SORCS2: variants seen among roughly 807,000 people sequenced by gnomAD.
The protein encoded by SORCS2 is sortilin related VPS10 domain containing receptor 2.
SORCS2 carries 100 observed loss-of-function variants against 141.6 expected under a neutral mutation model. The observed-to-expected ratio is 0.71, with a 90% CI of 0.60 to 0.83. The LOEUF is 0.83. Among genes scored for constraint, SORCS2 ranks in the 40% least tolerant of loss-of-function variants. The probability of loss-of-function intolerance (pLI) is 0.00; values close to 1 mark genes in which losing one functional copy is unlikely to be tolerated. For missense variants in SORCS2, 1,646 were observed against 1,560.2 expected (o/e 1.05, Z -0.93); for synonymous variants, 789 against 676.9 (o/e 1.17, Z -2.57).
intron 2 of SORCS2, among the ~76,000 whole-genome samples, chr4:7,490,262 C>T (rs1276448482): frequency 1.3e-5 from 2 of 152,186 alleles, no homozygotes; most frequent in Non-Finnish European, 2.9e-5. Context: ...GACCATCTCC[C>T]TTCTGACTCG....
intron 3 of SORCS2, among the ~76,000 whole-genome samples, chr4:7,611,758 T>G (rs915269686): frequency 6.6e-6 from 1 of 152,264 alleles, no homozygotes; most frequent in Non-Finnish European, 1.5e-5. Context: ...GGAATTCAGT[T>G]TCAGTGCCCG....
chr4:7,321,049 T>A (rs796666813), intron 1 of SORCS2, among the ~76,000 whole-genome samples: 6 of 152,232 alleles, frequency 3.9e-5, no homozygotes, highest in African/African-American at 1.4e-4. Context: ...ACCTGAGCAG[T>A]GGACATTGTA....
chr4:7,528,466 C>T (rs922127963), intron 2 of SORCS2, among the ~76,000 whole-genome samples: 10 of 151,978 alleles, frequency 6.6e-5, no homozygotes, highest in Admixed American at 5.9e-4. Flanking sequence ...TGCTCTGTCA[C>T]CTAGGCTGTA....
At chr4:7,400,649 G>A (rs1455525543) in intron 2 of SORCS2, among the ~76,000 whole-genome samples, 1 of 152,208 alleles carries the variant, frequency 6.6e-6, no homozygotes, top group Non-Finnish European at 1.5e-5. Flanking sequence ...ATGGATGAAT[G>A]GACAGATGGA....
Position 7,558,729 on chromosome 4 carries a change from A to G in SORCS2, c.648+27100A>G, listed in dbSNP as rs184412295. Among the ~76,000 whole-genome samples, 12 of 152,300 alleles carry G rather than the reference A, an allele frequency of 7.9e-5. No homozygotes were observed. The East Asian group carries it at 2.1e-3, about 27-fold the overall frequency. On this transcript the variant is annotated intron_variant, in intron 3 of 26. Coordinates refer to ENST00000507866, the MANE Select transcript of SORCS2 (RefSeq NM_020777.3). ...TGCAAGTTCACCTGGTGCCTACCCCAGGGGGCTTTTGGTCTGGCCCAGGAG... is the reference window on the plus strand; with the variant it reads ...TGCAAGTTCACCTGGTGCCTACCCCGGGGGGCTTTTGGTCTGGCCCAGGAG...
intron 1 of SORCS2, among the ~76,000 whole-genome samples, chr4:7,320,663 G>T (rs1440725235): frequency 1.3e-5 from 2 of 152,188 alleles, no homozygotes; most frequent in Non-Finnish European, 2.9e-5. Flanking sequence ...CTTTGATGAG[G>T]TTGGCCAGAG....
chr4:7,558,780 C>A (rs1350230132), intron 3 of SORCS2, among the ~76,000 whole-genome samples: 1 of 152,164 alleles, frequency 6.6e-6, no homozygotes, highest in East Asian at 1.9e-4. Flanking sequence ...CCCTCAGGTT[C>A]AGCTTTCCCA....
At chr4:7,629,512 C>A (rs904999045) in intron 3 of SORCS2, among the ~76,000 whole-genome samples, 2 of 152,028 alleles carry the variant, frequency 1.3e-5, no homozygotes, top group African/African-American at 2.4e-5. Flanking sequence ...CTCCTCCTGG[C>A]CTGCTGAAGC....
intron 2 of SORCS2, among the ~76,000 whole-genome samples, chr4:7,501,015 G>C (rs573928889): frequency 9.2e-5 from 14 of 152,212 alleles, no homozygotes; most frequent in African/African-American, 2.9e-4. Context: ...CCTCTGAGCC[G>C]CTACAGCTGT....
At position 7,387,666 on chromosome 4, in the gene SORCS2, A is replaced by G. The variant is rs997612124; in HGVS notation, c.481-8622A>G. On this transcript the variant is annotated intron_variant, in intron 1 of 26. Coordinates refer to ENST00000507866, the MANE Select transcript of SORCS2 (RefSeq NM_020777.3). ...ACATGCCCACCATACACATGCACAC[A>G]TGCACACACATACAGGTACACAGAG... is the stretch of plus-strand genomic sequence containing the variant. 2.7e-5 allele frequency among the ~76,000 whole-genome samples: 4 copies of G among 149,564 alleles called. 1 individual carries two copies. Among genetic ancestry groups the G allele is most frequent in the Admixed American group, 2.6e-4 (4 of 15,128 alleles).
intron 23 of SORCS2, among the ~76,000 whole-genome samples, chr4:7,731,184 G>A (rs6821974): frequency 0.29 from 44,851 of 152,076 alleles, 7,734 homozygotes; most frequent in Admixed American, 0.44. Flanking sequence ...ATTAAAAGCA[G>A]AATAAACTAC....
chr4:7,526,652 A>C (rs892630073), intron 2 of SORCS2, among the ~76,000 whole-genome samples: 3 of 152,092 alleles, frequency 2.0e-5, no homozygotes, highest in African/African-American at 7.2e-5. Context: ...GCTGGCCCTG[A>C]CCTGAACTCT....
At chr4:7,516,812 G>A (rs1330648805) in intron 2 of SORCS2, among the ~76,000 whole-genome samples, 1 of 152,200 alleles carries the variant, frequency 6.6e-6, no homozygotes, top group Non-Finnish European at 1.5e-5. Context: ...ATCCACGTTT[G>A]CAGGTACAGG....
chr4:7,254,618 T>G (rs1251901546), intron 1 of SORCS2, among the ~76,000 whole-genome samples: 2 of 152,140 alleles, frequency 1.3e-5, no homozygotes, highest in East Asian at 3.9e-4. Context: ...ATAACAAAAT[T>G]GCACATGTGC....
intron 3 of SORCS2, among the ~76,000 whole-genome samples, chr4:7,544,524 A>T (rs1282698490): frequency 1.3e-5 from 2 of 152,220 alleles, no homozygotes; most frequent in Admixed American, 1.3e-4. Flanking sequence ...GGCCAGCAGG[A>T]AGAAGAGCTA....
At chr4:7,447,669 G>A (rs977592926) in intron 2 of SORCS2, among the ~76,000 whole-genome samples, 2 of 152,168 alleles carry the variant, frequency 1.3e-5, no homozygotes, top group South Asian at 2.1e-4. Context: ...GAGCACGGGG[G>A]TCCTCCAGGC....
At chr4:7,390,198 C>T (rs948515845) in intron 1 of SORCS2, among the ~76,000 whole-genome samples, 3 of 152,188 alleles carry the variant, frequency 2.0e-5, no homozygotes, top group Admixed American at 1.3e-4. Flanking sequence ...GCAATCAACA[C>T]TAAGTTCTTG....
chr4:7,689,188 T>C (rs537224511), intron 10 of SORCS2, among the ~76,000 whole-genome samples: 3 of 152,084 alleles, frequency 2.0e-5, no homozygotes, highest in Non-Finnish European at 4.4e-5. Flanking sequence ...CCAGGGGCTG[T>C]AGGAGTCCCT....
At chr4:7,575,815 A>T (rs994637938) in intron 3 of SORCS2, among the ~76,000 whole-genome samples, 1 of 152,162 alleles carries the variant, frequency 6.6e-6, no homozygotes, top group Non-Finnish European at 1.5e-5. Flanking sequence ...TTCCAAGTTG[A>T]ACCCAGGAGA....
Sources: allele counts gnomAD v4.1 joint callset (sites outside exome capture counted in the v4.1 genomes callset), GRCh38; gene constraint gnomAD v4.1.1; transcripts MANE v1.5; gene names NCBI Gene and HGNC (gene_info 2026-07-23, HGNC 2026-07-21).